MARCHF1: variants seen among roughly 807,000 people sequenced by gnomAD.
MARCHF1 encodes the protein membrane associated ring-CH-type finger 1.
MARCHF1 carries 40 observed loss-of-function variants against 54.2 expected under a neutral mutation model. The ratio of observed to expected loss-of-function variants is 0.74; its 90% CI spans 0.57 to 0.96. The LOEUF (loss-of-function observed/expected upper bound fraction) is 0.96. Ranked by LOEUF, MARCHF1 falls within the 40% of genes least tolerant of loss-of-function variation. The pLI is 0.00. For missense variants in MARCHF1, 586 were observed against 656.5 expected (o/e 0.89, Z 1.17); for synonymous variants, 236 against 236.3 (o/e 1.00, Z 0.01).
chr4:163,814,294 TG>T (rs1410631188), intron 4 of MARCHF1, among the ~76,000 whole-genome samples: 1 of 152,212 alleles, frequency 6.6e-6, no homozygotes, highest in East Asian at 1.9e-4. Flanking sequence ...GTTGGTCCCC[TG>T]GACCCACTTT....
At chr4:163,610,790 CG>C (rs1256558725) in intron 7 of MARCHF1, among the ~76,000 whole-genome samples, 4 of 152,022 alleles carry the variant, frequency 2.6e-5, no homozygotes, top group African/African-American at 9.7e-5. Flanking sequence ...CCTGTACAGT[CG>C]AGCCCTCTCC....
chr4:164,311,193 A>G (rs1200324652), intron 1 of MARCHF1, among the ~76,000 whole-genome samples: 1 of 152,122 alleles, frequency 6.6e-6, no homozygotes, highest in African/African-American at 2.4e-5. Context: ...TTGCGGATAG[A>G]TATGTACTGA....
chr4:163,576,905 T>C (rs951318350), intron 8 of MARCHF1, among the ~76,000 whole-genome samples: 1 of 152,116 alleles, frequency 6.6e-6, no homozygotes, highest in African/African-American at 2.4e-5. Flanking sequence ...TCCATTTGCA[T>C]GGTAGATAAT....
intron 4 of MARCHF1, among the ~76,000 whole-genome samples, chr4:163,840,273 A>G: frequency 1.3e-5 from 2 of 152,064 alleles, no homozygotes; most frequent in East Asian, 3.8e-4. Context: ...GGAGGTCCCC[A>G]GGAAGGGAAT....
At chr4:163,761,939 T>C (rs1746838171) in intron 4 of MARCHF1, among the ~76,000 whole-genome samples, 1 of 152,214 alleles carries the variant, frequency 6.6e-6, no homozygotes, top group Non-Finnish European at 1.5e-5. Flanking sequence ...ATGTCTCTCA[T>C]TTATATTTCT....
intron 5 of MARCHF1, among the ~76,000 whole-genome samples, chr4:163,668,664 G>A (rs1386674869): frequency 2.0e-5 from 3 of 152,170 alleles, no homozygotes; most frequent in Admixed American, 6.5e-5. Context: ...AAAGAGCTGG[G>A]TGGTGAGACT....
chr4:163,909,657 A>G, intron 3 of MARCHF1, among the ~76,000 whole-genome samples: 1 of 152,340 alleles, frequency 6.6e-6, no homozygotes, highest in Non-Finnish European at 1.5e-5. Context: ...CTTATCTTCC[A>G]TAATCTAATA....
At chr4:164,351,082 T>G (rs960700257) in intron 1 of MARCHF1, among the ~76,000 whole-genome samples, 1 of 152,152 alleles carries the variant, frequency 6.6e-6, no homozygotes, top group African/African-American at 2.4e-5. Flanking sequence ...CACCACAAGA[T>G]TATATCCCTC....
intron 4 of MARCHF1, among the ~76,000 whole-genome samples, chr4:163,829,710 G>T (rs992980725): frequency 1.3e-5 from 2 of 152,138 alleles, no homozygotes; most frequent in Non-Finnish European, 2.9e-5. Context: ...TGTAAACACT[G>T]TTTCTGCCAG....
At chr4:164,095,159 T>C (rs940281798) in intron 2 of MARCHF1, among the ~76,000 whole-genome samples, 1 of 152,058 alleles carries the variant, frequency 6.6e-6, no homozygotes, top group African/African-American at 2.4e-5. Context: ...TCCTTGAGTA[T>C]AAATTGAGAG....
chr4:164,199,599 A>C (rs111942692), intron 1 of MARCHF1, among the ~76,000 whole-genome samples: 4 of 148,618 alleles, frequency 2.7e-5, no homozygotes, highest in Non-Finnish European at 5.9e-5. Flanking sequence ...TCACTCCACT[A>C]CACTCCAGCC....
At chr4:164,022,138 T>C (rs781244594) in intron 2 of MARCHF1, among the ~76,000 whole-genome samples, 20 of 152,194 alleles carry the variant, frequency 1.3e-4, no homozygotes, top group Non-Finnish European at 1.9e-4. Flanking sequence ...TTAAACCCCA[T>C]TGATTGTGCA....
intron 2 of MARCHF1, among the ~76,000 whole-genome samples, chr4:164,066,061 T>C (rs1376985003): frequency 6.6e-6 from 1 of 152,070 alleles, no homozygotes. Context: ...AACAATACTT[T>C]ACCAGCTATC....
intron 1 of MARCHF1, among the ~76,000 whole-genome samples, chr4:164,218,432 G>C (rs1731993112): frequency 6.6e-6 from 1 of 152,024 alleles, no homozygotes; most frequent in Non-Finnish European, 1.5e-5. Flanking sequence ...TGGTGACAGG[G>C]CAGTAACCAC....
chr4:164,371,915 ATACAT>A (rs1207726543), intron 1 of MARCHF1, among the ~76,000 whole-genome samples: 3 of 152,176 alleles, frequency 2.0e-5, no homozygotes, highest in African/African-American at 7.2e-5. Context: ...CGTATCATTT[ATACAT>A]TACAATTATC....
chr4:163,699,963 G>GT (rs35324736), intron 5 of MARCHF1, among the ~76,000 whole-genome samples: 1,607 of 143,856 alleles, frequency 0.011, 13 homozygotes, highest in Non-Finnish European at 0.011. Context: ...GGAATATTTT[G>GT]TTTTTTTTTT....
intron 5 of MARCHF1, among the ~76,000 whole-genome samples, chr4:163,675,386 A>G (rs969811453): frequency 6.6e-6 from 1 of 152,344 alleles, no homozygotes; most frequent in Non-Finnish European, 1.5e-5. Flanking sequence ...AAAAATAAAT[A>G]AACAAATCCC....
At chr4:163,805,439 G>A (rs186930363) in intron 4 of MARCHF1, among the ~76,000 whole-genome samples, 11 of 151,884 alleles carry the variant, frequency 7.2e-5, no homozygotes, top group African/African-American at 2.6e-4. Context: ...AGACATGAAT[G>A]CAAAAAACTT....
chr4:164,044,678 C>T (rs1754203816), intron 2 of MARCHF1, among the ~76,000 whole-genome samples: 1 of 152,122 alleles, frequency 6.6e-6, no homozygotes, highest in South Asian at 2.1e-4. Flanking sequence ...TTCTATCTTT[C>T]TCTTTCTCAA....
Sources: allele counts gnomAD v4.1 joint callset (sites outside exome capture counted in the v4.1 genomes callset), GRCh38; gene constraint gnomAD v4.1.1; transcripts MANE v1.5; gene names NCBI Gene and HGNC (gene_info 2026-07-23, HGNC 2026-07-21).